PCDH9: variants seen among roughly 807,000 people sequenced by gnomAD.
The protein encoded by PCDH9 is protocadherin-9.
Under a neutral mutation model 70.6 loss-of-function variants are expected in PCDH9, and 24 were observed. That is an observed-to-expected ratio of 0.34 (90% CI 0.25 to 0.48). The LOEUF is 0.48. PCDH9 is among the 20% of genes least tolerant of loss of function. The pLI is 0.99. For missense variants in PCDH9, 1,281 were observed against 1,503.6 expected (o/e 0.85, Z 2.45); for synonymous variants, 562 against 558.5 (o/e 1.01, Z -0.09).
chr13:66,567,885 C>A (rs2076675660), intron 4 of PCDH9, among the ~76,000 whole-genome samples: 1 of 152,094 alleles, frequency 6.6e-6, no homozygotes, highest in Non-Finnish European at 1.5e-5. Context: ...CCACAGTCAC[C>A]TAATTTAGGA....
intron 2 of PCDH9, among the ~76,000 whole-genome samples, chr13:67,061,262 T>G (rs2138126949): frequency 6.6e-6 from 1 of 152,210 alleles, no homozygotes; most frequent in Non-Finnish European, 1.5e-5. Flanking sequence ...TACCTTGGGT[T>G]TCTTTCAATC....
intron 4 of PCDH9, among the ~76,000 whole-genome samples, chr13:66,474,747 T>A (rs1046702552): frequency 6.6e-6 from 1 of 152,056 alleles, no homozygotes; most frequent in Non-Finnish European, 1.5e-5. Context: ...CTTACCACTA[T>A]CACTGAGTCA....
chr13:67,009,796 T>C (rs569134212), intron 2 of PCDH9, among the ~76,000 whole-genome samples: 172 of 152,154 alleles, frequency 1.1e-3, no homozygotes, highest in African/African-American at 4.0e-3. Context: ...TAAGTTTTTT[T>C]TTGCTTTTAG....
chr13:67,097,906 C>T (rs905266010), intron 2 of PCDH9, among the ~76,000 whole-genome samples: 2 of 152,038 alleles, frequency 1.3e-5, no homozygotes, highest in Middle Eastern at 3.2e-3. Flanking sequence ...AAACAACATC[C>T]TCATGAAGTT....
At chr13:66,953,771 A>T (rs765201297) in intron 2 of PCDH9, among the ~76,000 whole-genome samples, 2 of 152,164 alleles carry the variant, frequency 1.3e-5, no homozygotes, top group African/African-American at 2.4e-5. Flanking sequence ...TGTACCTAGT[A>T]TATCTAGTGT....
chr13:66,442,288 C>T (rs1957989462), intron 4 of PCDH9, among the ~76,000 whole-genome samples: 1 of 152,044 alleles, frequency 6.6e-6, no homozygotes, highest in Non-Finnish European at 1.5e-5. Flanking sequence ...CATAAATATG[C>T]TTGTAAGGAA....
intron 4 of PCDH9, among the ~76,000 whole-genome samples, chr13:66,523,944 A>C (rs1217480436): frequency 6.6e-6 from 1 of 152,064 alleles, no homozygotes; most frequent in African/African-American, 2.4e-5. Context: ...AGTGTCTACC[A>C]GTGAAGGCAT....
intron 4 of PCDH9, among the ~76,000 whole-genome samples, chr13:66,573,737 T>TTTG (rs1555308174): frequency 1.3e-5 from 2 of 151,272 alleles, no homozygotes; most frequent in East Asian, 2.0e-4. Context: ...AGTTGGGTTT[T>TTTG]TTTGTTTGTT....
intron 1 of PCDH9, among the ~76,000 whole-genome samples, chr13:67,228,859 T>C (rs1444570639): frequency 6.6e-6 from 1 of 152,210 alleles, no homozygotes; most frequent in Admixed American, 6.5e-5. Context: ...ACATGCATTC[T>C]TGTTCTCCTC....
intron 4 of PCDH9, among the ~76,000 whole-genome samples, chr13:66,332,179 C>T (rs1955955604): frequency 1.3e-5 from 2 of 152,226 alleles, no homozygotes; most frequent in African/African-American, 4.8e-5. Context: ...TCCTTCCAAA[C>T]TTCTGAGGCA....
rs149341909 is a variant in PCDH9, at chr13:66,531,038, G to A, written c.3340+100172C>T. On this transcript the variant is annotated intron_variant, in intron 4 of 4. Transcript: ENST00000377865. ...TGCTTATTATCATGACAATGCTGCA[G>A]TGCCTTAAGAAAAAGGATTTTTAAA... Among the ~76,000 whole-genome samples the A allele has an allele frequency of 6.7e-3, 1,021 of 151,650 alleles. 7 individuals carry two copies. The highest frequency in any genetic ancestry group is 0.031 in the Middle Eastern group (9 of 292).
At chr13:67,066,605 C>T (rs528646990) in intron 2 of PCDH9, among the ~76,000 whole-genome samples, 330 of 152,148 alleles carry the variant, frequency 2.2e-3, no homozygotes, top group African/African-American at 7.7e-3. Flanking sequence ...TATGGAGAAA[C>T]CTTCTATTTT....
At chr13:66,846,243 GA>G (rs1379340675) in intron 3 of PCDH9, among the ~76,000 whole-genome samples, 4 of 151,516 alleles carry the variant, frequency 2.6e-5, no homozygotes, top group Non-Finnish European at 5.9e-5. Context: ...AAAGAACTTG[GA>G]AAAAAATTAC....
At chr13:66,512,778 CTCATTCTT>C (rs929336781) in intron 4 of PCDH9, among the ~76,000 whole-genome samples, 223 of 149,564 alleles carry the variant, frequency 1.5e-3, no homozygotes, top group African/African-American at 5.3e-3. Flanking sequence ...GACACATGGA[CTCATTCTT>C]TCATTCTTTT....
intron 2 of PCDH9, among the ~76,000 whole-genome samples, chr13:67,078,782 A>G (rs148482581): frequency 1.3e-5 from 2 of 152,306 alleles, no homozygotes; most frequent in East Asian, 3.9e-4. Context: ...TGGAACTTCT[A>G]GAAGTTCAGC....
At chr13:66,833,261 C>A (rs1194418514) in intron 3 of PCDH9, among the ~76,000 whole-genome samples, 2 of 152,146 alleles carry the variant, frequency 1.3e-5, no homozygotes, top group African/African-American at 4.8e-5. Flanking sequence ...TTTCTTCTAA[C>A]AAAACGGGAC....
chr13:66,501,838 T>C (rs1318939881), intron 4 of PCDH9, among the ~76,000 whole-genome samples: 3 of 152,102 alleles, frequency 2.0e-5, no homozygotes, highest in African/African-American at 7.2e-5. Context: ...TTAAGCCTTT[T>C]GGGAAGGACT....
chr13:66,510,460 A>G (rs1236322681), intron 4 of PCDH9, among the ~76,000 whole-genome samples: 1 of 152,058 alleles, frequency 6.6e-6, no homozygotes, highest in Non-Finnish European at 1.5e-5. Context: ...TGCTGCACCC[A>G]TTAAGTCGTC....
intron 2 of PCDH9, 55 bp downstream of exon 2, chr13:67,225,350 G>A: frequency 6.5e-7 from 1 of 1,536,964 alleles, no homozygotes. Context: ...CGTTAATACT[G>A]GTTGACTGGG....
Sources: gnomAD v4.1 joint callset for allele counts (sites outside exome capture counted in the v4.1 genomes callset) on GRCh38, gnomAD v4.1.1 for gene constraint, MANE v1.5 for transcripts, NCBI Gene and HGNC (gene_info 2026-07-23, HGNC 2026-07-21) for gene names.